Variants in ATAD2 observed in about 807,000 individuals in gnomAD.
ATAD2 encodes the protein ATPase family AAA domain-containing protein 2.
ATAD2 carries 62 observed loss-of-function variants against 168.9 expected under a neutral mutation model. That is an observed-to-expected ratio of 0.37 (90% CI 0.30 to 0.45). ATAD2 has a LOEUF of 0.45. Among genes scored for constraint, ATAD2 ranks in the 20% least tolerant of loss-of-function variants. The probability of loss-of-function intolerance (pLI) is 1.00; values close to 1 mark genes in which losing one functional copy is unlikely to be tolerated. For missense variants in ATAD2, 1,419 were observed against 1,667.8 expected (o/e 0.85, Z 2.60); for synonymous variants, 613 against 571.6 (o/e 1.07, Z -1.03).
chr8:123,375,589 G>C (rs747289677), intron 2 of ATAD2, among the ~76,000 whole-genome samples: 2 of 152,012 alleles, frequency 1.3e-5, no homozygotes, highest in Non-Finnish European at 2.9e-5. Flanking sequence ...ATTCATAATG[G>C]CCAAAAAGTA....
intron 1 of ATAD2, among the ~76,000 whole-genome samples, chr8:123,382,845 G>A (rs1213124572): frequency 6.6e-6 from 1 of 152,154 alleles, no homozygotes; most frequent in African/African-American, 2.4e-5. Flanking sequence ...CCATTATTGT[G>A]TATATACCCA....
intron 22 of ATAD2, among the ~76,000 whole-genome samples, chr8:123,336,111 T>C (rs1209987037): frequency 6.6e-6 from 1 of 152,194 alleles, no homozygotes; most frequent in Non-Finnish European, 1.5e-5. Context: ...AGAGGATCTA[T>C]CATGTAATTG....
At position 123,326,078 on chromosome 8, in the gene ATAD2, C is replaced by A. The variant is rs752007280; in HGVS notation, c.3869-52G>T. ...ATTTGGTCCATAGATATTATGATGT[C>A]TAAAATAAATAATAATATTAGGCAG... is the stretch of plus-strand genomic sequence containing the variant. On this transcript the variant is annotated intron_variant, in intron 25 of 27. Transcript: ENST00000287394. 6 of 1,559,178 alleles carry A rather than the reference C, an allele frequency of 3.8e-6. No homozygotes were observed. In the South Asian group the frequency reaches 6.9e-5, roughly 18 times the overall value.
intron 24 of ATAD2, 49 bp downstream of exon 24, chr8:123,333,829 A>G: frequency 6.6e-7 from 1 of 1,523,182 alleles, no homozygotes; most frequent in Non-Finnish European, 8.8e-7. Flanking sequence ...ATGGCATTAG[A>G]AAAGAATAAA....
intron 14 of ATAD2, 53 bp from the exon 15 acceptor site, chr8:123,348,326 A>G: frequency 8.1e-7 from 1 of 1,240,406 alleles, no homozygotes; most frequent in Non-Finnish European, 1.1e-6. Context: ...AATGCTATTC[A>G]GATTACATTA....
chr8:123,378,738 T>A (rs1829401233), intron 2 of ATAD2, among the ~76,000 whole-genome samples: 3 of 146,064 alleles, frequency 2.1e-5, no homozygotes, highest in African/African-American at 7.9e-5. Flanking sequence ...AAAATTCCAT[T>A]TAAGAGCAGG....
intron 13 of ATAD2, among the ~76,000 whole-genome samples, chr8:123,351,408 T>C (rs1043940548): frequency 2.0e-5 from 3 of 152,140 alleles, no homozygotes; most frequent in East Asian, 1.9e-4. Context: ...CCCCCACCAG[T>C]TGTGACAACC....
chr8:123,396,661 T>C (rs1423133441), upstream of ATAD2, among the ~76,000 whole-genome samples: 1 of 152,220 alleles, frequency 6.6e-6, no homozygotes, highest in African/African-American at 2.4e-5. Context: ...CTTCTTTTTC[T>C]TCACATAGTT....
chr8:123,359,993 G>A (rs1215805311), intron 9 of ATAD2, among the ~76,000 whole-genome samples: 1 of 152,082 alleles, frequency 6.6e-6, no homozygotes, highest in Admixed American at 6.6e-5. Context: ...ACATTTTAAT[G>A]GAGGTGTCTA....
chr8:123,359,669 A>C lies in ATAD2; in HGVS notation c.1174T>G (p.Phe392Val). 6.2e-7 allele frequency: 1 copy of C among 1,612,608 alleles called. No homozygotes were observed. The highest frequency in any genetic ancestry group is 8.5e-7 in the Non-Finnish European group (1 of 1,179,450). The change falls in exon 10 of 28, where the codon TTT (phenylalanine) becomes GTT (valine). Residue 392 changes from phenylalanine (F) to valine (V), a missense_variant. Phe to Val is a conservative substitution (Grantham distance 50). This residue lies in a region of ATAD2 where 146 missense variants were observed against 188.3 expected (regional missense o/e 0.78). Coordinates refer to ENST00000287394, the MANE Select transcript of ATAD2 (RefSeq NM_014109.4). ...ATGCCTTTTAATTCATCTTTCCGAA[A>C]ATTTAGTGGGAGGCACCTATTTAAA... ...RAINRCLPLN[F>V]RKDELKGIYK...
At position 123,374,886 on chromosome 8, in the gene ATAD2, C is replaced by T. The variant is rs1249198040; in HGVS notation, c.321-2200G>A. ...ATCACTGGACCCTAGTTAAGAACCC[C>T]AGGATCAAGTAAGTAAGTATGTAGA... is the stretch of plus-strand genomic sequence containing the variant. On this transcript the variant is annotated intron_variant, in intron 2 of 27. Transcript: ENST00000287394. 3.3e-5 allele frequency among the ~76,000 whole-genome samples: 5 copies of T among 152,298 alleles called. No homozygotes were observed. The East Asian group carries it at 7.7e-4, about 23-fold the overall frequency.
At chr8:123,344,561 A>G in intron 19 of ATAD2, 1 of 259,510 alleles carries the variant, frequency 3.9e-6, no homozygotes, top group Admixed American at 4.9e-5. Flanking sequence ...GTTAGCCAGG[A>G]TGGTCTCAAT....
Position 123,396,324 on chromosome 8 carries a change from T to C in ATAD2, c.34A>G (p.Asn12Asp), listed in dbSNP as rs1248027203. ...VVLRSSLELH[N>D]HSAASATGSL... is the part of the protein sequence containing the mutation. ...CCCGTGGCCGAGGCCGCGGAGTGGT[T>C]GTGCAGCTCCAAGCTGCTGCGGAGA... The change falls in exon 1 of 28, where the codon AAC becomes GAC. Residue 12 changes from asparagine to aspartate, a missense_variant. Transcript: ENST00000287394. 4.4e-6 allele frequency: 7 copies of C among 1,606,198 alleles called. No homozygotes were observed. The highest frequency in any genetic ancestry group is 3.3e-5 in the Admixed American group (2 of 59,818).
upstream of ATAD2, chr8:123,400,966 C>A: frequency 7.0e-7 from 1 of 1,424,806 alleles, no homozygotes; most frequent in Non-Finnish European, 9.8e-7. The surrounding 1 kb of genome is among the most constrained non-coding windows in gnomAD (Gnocchi z 4.5). Context: ...GGGTGATGTG[C>A]TGGAGGCCAC....
chr8:123,404,764 A>G (rs1813048235), intron 1 of ATAD2, among the ~76,000 whole-genome samples: 1 of 149,566 alleles, frequency 6.7e-6, no homozygotes, highest in Admixed American at 6.7e-5. Context: ...CTGGTCTTGA[A>G]CTCCTGACCT....
rs1297063054 is a variant in ATAD2, at chr8:123,377,090, T to TAAAA, written c.320+3438_320+3439insTTTT. On this transcript the variant is annotated intron_variant, in intron 2 of 27. Coordinates refer to ENST00000287394, the MANE Select transcript of ATAD2 (RefSeq NM_014109.4). Reference sequence around the variant, plus strand: ...TGGGCAAAAAGAGTGAGACTCCGTCTCAAAAAAAAAAAAAAAAAAAAAGAG... The same window carrying TAAAA: ...TGGGCAAAAAGAGTGAGACTCCGTCTAAAACAAAAAAAAAAAAAAAAAAAAAGAG... Among the ~76,000 whole-genome samples the TAAAA allele has an allele frequency of 6.4e-3, 4 of 622 alleles. 1 individual carries two copies. Among genetic ancestry groups the TAAAA allele is most frequent in the African/African-American group, 0.017 (4 of 234 alleles). 0.4% of individuals were successfully genotyped at this position (622 alleles called of 152,430 possible).
chr8:123,378,965 T>A (rs1261793152), intron 2 of ATAD2, among the ~76,000 whole-genome samples: 2 of 151,972 alleles, frequency 1.3e-5, no homozygotes, highest in African/African-American at 4.8e-5. Context: ...ATAATTTTTT[T>A]ATTTTTATTT....
intron 1 of ATAD2, among the ~76,000 whole-genome samples, chr8:123,391,567 TG>T (rs1012587228): frequency 7.2e-6 from 1 of 138,424 alleles, no homozygotes; most frequent in Non-Finnish European, 1.5e-5. Flanking sequence ...AATGAATAAA[TG>T]TAACCACCCA....
At chr8:123,330,523 C>T (rs569825054) in intron 24 of ATAD2, among the ~76,000 whole-genome samples, 4 of 152,116 alleles carry the variant, frequency 2.6e-5, no homozygotes, top group South Asian at 4.2e-4. Flanking sequence ...CCACCGTGCC[C>T]GGCTAATTTT....
Sources: allele counts gnomAD v4.1 joint callset (sites outside exome capture counted in the v4.1 genomes callset), GRCh38; gene constraint gnomAD v4.1.1; regional missense constraint gnomAD v4.1.1; non-coding constraint Gnocchi (gnomAD v3.1); transcripts MANE v1.5; gene names NCBI Gene and HGNC (gene_info 2026-07-23, HGNC 2026-07-21).